The following TLE1 variants were observed in gnomAD, a reference collection of about 807,000 sequenced individuals.
TLE1 encodes the protein TLE family member 1, transcriptional corepressor.
In TLE1, 21 loss-of-function variants were observed where a neutral mutation model predicts 89.8. That is an observed-to-expected ratio of 0.23 (90% CI 0.17 to 0.34). The LOEUF is 0.34. Ranked by LOEUF, TLE1 falls within the 10% of genes least tolerant of loss-of-function variation. The pLI, the probability that TLE1 is intolerant of heterozygous loss-of-function variation, is 1.00. For synonymous variants in TLE1, 447 were observed against 407.6 expected (o/e 1.10, Z -1.16); for missense variants, 795 against 1,031.2 (o/e 0.77, Z 3.14).
chr9:81,680,451 A>G (rs1352903415), intron 4 of TLE1, among the ~76,000 whole-genome samples: 1 of 152,196 alleles, frequency 6.6e-6, no homozygotes, highest in East Asian at 1.9e-4. Flanking sequence ...TTGTTCCTTG[A>G]AGATTTTGGG....
At chr9:81,630,534 T>C (rs926150509) in intron 8 of TLE1, among the ~76,000 whole-genome samples, 6 of 152,206 alleles carry the variant, frequency 3.9e-5, no homozygotes, top group Non-Finnish European at 8.8e-5. Context: ...ATTAACCTAG[T>C]AAATATCAAA....
intron 6 of TLE1, among the ~76,000 whole-genome samples, chr9:81,638,994 G>A (rs1343487840): frequency 1.3e-5 from 2 of 152,044 alleles, no homozygotes; most frequent in Admixed American, 6.6e-5. Context: ...TGCAATCATG[G>A]CTCACTGCAG....
intron 4 of TLE1, among the ~76,000 whole-genome samples, chr9:81,677,970 A>C (rs557574494): frequency 2.0e-5 from 3 of 152,294 alleles, no homozygotes; most frequent in East Asian, 3.9e-4. Flanking sequence ...GAATTTTCAG[A>C]ATTTGTTTTT....
chr9:81,675,284 CATA>C (rs773129281), intron 4 of TLE1, among the ~76,000 whole-genome samples: 3 of 152,000 alleles, frequency 2.0e-5, no homozygotes, highest in Non-Finnish European at 4.4e-5. Flanking sequence ...TGAAATTTTT[CATA>C]ATAAAATGTT....
chr9:81,616,010 G>A lies in TLE1; in HGVS notation c.890C>T (p.Thr297Ile), dbSNP rs1305289547. Reference sequence around the variant, plus strand: ...GCTCATTTCTTTGGATTTCAAAGAAGTGGAACTTGCCGAGGAGGCCGTGGA... The same window carrying A: ...GCTCATTTCTTTGGATTTCAAAGAAATGGAACTTGCCGAGGAGGCCGTGGA... ...PASTASSASS[T>I]SLKSKEMSLH... The change falls in exon 11 of 20, where the codon ACT becomes ATT. Residue 297 changes from threonine to isoleucine, a missense_variant. By Grantham distance (89) the Thr-to-Ile change is moderately conservative. Coordinates refer to ENST00000376499, the MANE Select transcript of TLE1 (RefSeq NM_005077.5). The A allele has an allele frequency of 3.1e-6, 5 of 1,613,886 alleles. No individual in the cohort carries two copies. Among genetic ancestry groups the A allele is most frequent in the Admixed American group, 3.3e-5 (2 of 59,972 alleles).
intron 6 of TLE1, among the ~76,000 whole-genome samples, chr9:81,636,722 C>A (rs1827408292): frequency 6.6e-6 from 1 of 152,018 alleles, no homozygotes; most frequent in African/African-American, 2.4e-5. Context: ...TAAAGATTTC[C>A]GGCCAGGCAC....
At chr9:81,661,619 G>A (rs561576904) in intron 4 of TLE1, among the ~76,000 whole-genome samples, 1 of 152,234 alleles carries the variant, frequency 6.6e-6, no homozygotes, top group African/African-American at 2.4e-5. Context: ...AAAACACAGT[G>A]GAGTGTTGGT....
chr9:81,632,039 G>A lies in TLE1; in HGVS notation c.594+1309C>T, dbSNP rs149800733. 2.8e-3 allele frequency among the ~76,000 whole-genome samples: 426 copies of A among 152,124 alleles called. 2 individuals are homozygous for A. The highest frequency in any genetic ancestry group is 9.6e-3 in the African/African-American group (397 of 41,468). On this transcript the variant is annotated intron_variant, in intron 8 of 19. Coordinates refer to ENST00000376499, the MANE Select transcript of TLE1 (RefSeq NM_005077.5). ...CAGGAGGCGGAGGTTGCAGTGAGCCGAGATAGTGCTACTGCACCCCAGCCT... is the reference window on the plus strand; with the variant it reads ...CAGGAGGCGGAGGTTGCAGTGAGCCAAGATAGTGCTACTGCACCCCAGCCT...
intron 9 of TLE1, among the ~76,000 whole-genome samples, chr9:81,619,771 T>G (rs1363544930): frequency 6.6e-6 from 1 of 152,194 alleles, no homozygotes; most frequent in Non-Finnish European, 1.5e-5. Flanking sequence ...CTTGGTTTGG[T>G]TTCCTTTTGA....
chr9:81,632,475 C>CA (rs755927190), intron 8 of TLE1, among the ~76,000 whole-genome samples: 108 of 79,906 alleles, frequency 1.4e-3, no homozygotes, highest in African/African-American at 3.7e-3. Flanking sequence ...TTCAGTATCC[C>CA]TTTTTTTTTT....
intron 4 of TLE1, among the ~76,000 whole-genome samples, chr9:81,666,404 G>T (rs889110109): frequency 1.3e-5 from 2 of 152,106 alleles, no homozygotes; most frequent in African/African-American, 4.8e-5. Flanking sequence ...CCACACAATG[G>T]CAGGATTAGT....
At chr9:81,661,084 G>A (rs1830726509) in intron 4 of TLE1, among the ~76,000 whole-genome samples, 1 of 150,258 alleles carries the variant, frequency 6.7e-6, no homozygotes, top group Admixed American at 6.6e-5. Context: ...CTGAGATGGC[G>A]CCACTGCACT....
chr9:81,654,005 C>A lies in TLE1; in HGVS notation c.266G>T (p.Cys89Phe), dbSNP rs1265703849. ...TEIAKRLNTI[C>F]AQVIPFLSQE... ...AGACAGAAATGGGATGACTTGTGCACAAATCGTATTCAATCTCTTGGCGAT... is the reference window on the plus strand; with the variant it reads ...AGACAGAAATGGGATGACTTGTGCAAAAATCGTATTCAATCTCTTGGCGAT... Residue 89 changes from cysteine (C) to phenylalanine (F), a missense_variant, in exon 5 of 20, where the codon TGT (cysteine) becomes TTT (phenylalanine). Transcript: ENST00000376499. 1 of 1,613,938 alleles carries A rather than the reference C, an allele frequency of 6.2e-7. No homozygotes were observed.
chr9:81,590,603 G>A (rs1057111534), intron 16 of TLE1, among the ~76,000 whole-genome samples: 4 of 152,168 alleles, frequency 2.6e-5, no homozygotes, highest in Non-Finnish European at 4.4e-5. Flanking sequence ...AGAAAGTCTC[G>A]GGTGACACCA....
At chr9:81,669,937 T>C (rs892734794) in intron 4 of TLE1, among the ~76,000 whole-genome samples, 1 of 152,208 alleles carries the variant, frequency 6.6e-6, no homozygotes, top group African/African-American at 2.4e-5. Context: ...AACAACATCG[T>C]GTCAAGCTAA....
intron 14 of TLE1, among the ~76,000 whole-genome samples, chr9:81,609,281 C>A (rs1023938480): frequency 6.6e-6 from 1 of 152,072 alleles, no homozygotes; most frequent in Non-Finnish European, 1.5e-5. Flanking sequence ...GACGGGGTTT[C>A]GCCACATTGG....
At chr9:81,667,839 A>C (rs1036709251) in intron 4 of TLE1, among the ~76,000 whole-genome samples, 5 of 152,142 alleles carry the variant, frequency 3.3e-5, no homozygotes, top group Non-Finnish European at 7.3e-5. Context: ...AAAACCTGCA[A>C]TGTTCCGCAA....
At chr9:81,623,789 C>T (rs1825582516) in intron 8 of TLE1, among the ~76,000 whole-genome samples, 1 of 151,066 alleles carries the variant, frequency 6.6e-6, no homozygotes, top group South Asian at 2.1e-4. Context: ...GACTCTGCCT[C>T]AAAAAAATAA....
At chr9:81,627,194 T>A (rs991151988) in intron 8 of TLE1, among the ~76,000 whole-genome samples, 1 of 151,980 alleles carries the variant, frequency 6.6e-6, no homozygotes, top group Non-Finnish European at 1.5e-5. Context: ...TATGTCCCAG[T>A]GAGGAAATGA....
Sources: gnomAD v4.1 joint callset for allele counts (sites outside exome capture counted in the v4.1 genomes callset) on GRCh38, gnomAD v4.1.1 for gene constraint, MANE v1.5 for transcripts, NCBI Gene and HGNC (gene_info 2026-07-23, HGNC 2026-07-21) for gene names.